Variants in PDE8B observed in about 807,000 individuals in gnomAD.
PDE8B encodes the protein phosphodiesterase 8B.
Under a neutral mutation model 101.3 loss-of-function variants are expected in PDE8B, and 26 were observed. The observed-to-expected ratio is 0.26, with a 90% CI of 0.19 to 0.36. The LOEUF (loss-of-function observed/expected upper bound fraction) is 0.36, where lower values mean the gene tolerates loss of function less well. PDE8B is among the 10% of genes least tolerant of loss of function. The pLI is 1.00. For missense variants in PDE8B, 810 were observed against 1,163.1 expected (o/e 0.70, Z 4.42); for synonymous variants, 424 against 429.3 (o/e 0.99, Z 0.15).
chr5:77,319,451 A>C (rs576263642), intron 2 of PDE8B, among the ~76,000 whole-genome samples: 1 of 152,322 alleles, frequency 6.6e-6, no homozygotes, highest in Non-Finnish European at 1.5e-5. Context: ...AACCCAAATG[A>C]CATTATGCAA....
chr5:77,378,456 T>TAA (rs58121927), intron 10 of PDE8B, among the ~76,000 whole-genome samples: 3 of 69,352 alleles, frequency 4.3e-5, no homozygotes, highest in South Asian at 8.3e-4. Flanking sequence ...AGACTCCATC[T>TAA]AAAAAAAAAA....
chr5:77,361,979 A>C (rs1783188521), intron 10 of PDE8B, among the ~76,000 whole-genome samples: 1 of 152,228 alleles, frequency 6.6e-6, no homozygotes, highest in African/African-American at 2.4e-5. Context: ...TACAACCAAG[A>C]GTGCCTTATA....
chr5:77,135,711 G>A, the PDE8B span, among the ~76,000 whole-genome samples: 5 of 151,898 alleles, frequency 3.3e-5, no homozygotes, highest in Non-Finnish European at 5.9e-5. Context: ...TCCTGACCTC[G>A]TGATCCACCC....
intron 1 of PDE8B, among the ~76,000 whole-genome samples, chr5:77,290,022 T>A (rs1277120664): frequency 6.6e-6 from 1 of 152,206 alleles, no homozygotes; most frequent in Non-Finnish European, 1.5e-5. Flanking sequence ...AATGAGAGAT[T>A]ATCATCATAA....
intron 11 of PDE8B, among the ~76,000 whole-genome samples, 174 bp downstream of exon 11, chr5:77,400,464 A>G (rs1483223659): frequency 4.6e-5 from 7 of 152,210 alleles, no homozygotes; most frequent in Non-Finnish European, 7.3e-5. Flanking sequence ...GAAATCCCTT[A>G]AAATGTCCTT....
chr5:77,325,829 A>C, intron 3 of PDE8B, 100 bp downstream of exon 3: 1 of 855,418 alleles, frequency 1.2e-6, no homozygotes, highest in Admixed American at 1.9e-5. Flanking sequence ...TATTTTTAAA[A>C]TATGCGTTGA....
the PDE8B span, among the ~76,000 whole-genome samples, chr5:77,157,097 G>A: frequency 1.3e-5 from 2 of 151,996 alleles, no homozygotes; most frequent in Non-Finnish European, 2.9e-5. Flanking sequence ...CCAGCCTCTG[G>A]GTGGTAACAG....
chr5:77,375,568 TG>T (rs1246410826), intron 10 of PDE8B, among the ~76,000 whole-genome samples: 1 of 152,174 alleles, frequency 6.6e-6, no homozygotes, highest in East Asian at 1.9e-4. Flanking sequence ...TGCTGCCACC[TG>T]TGCCCATCTC....
the PDE8B span, chr5:77,165,600 C>T: frequency 2.0e-5 from 3 of 151,674 alleles, no homozygotes; most frequent in Admixed American, 2.0e-4. Context: ...AACAGAAAAA[C>T]CTTCTCCCTA....
chr5:77,227,697 G>C (rs1014697694), intron 1 of PDE8B, among the ~76,000 whole-genome samples: 2 of 152,164 alleles, frequency 1.3e-5, no homozygotes, highest in African/African-American at 4.8e-5. Flanking sequence ...TTGGTTACCT[G>C]CCTCAGTTTA....
chr5:77,398,492 T>C (rs549881400), intron 10 of PDE8B, among the ~76,000 whole-genome samples: 2 of 152,118 alleles, frequency 1.3e-5, no homozygotes, highest in East Asian at 1.9e-4. Context: ...CCAGCTAATA[T>C]TATATTTTTA....
At chr5:77,108,639 C>T in the PDE8B span, among the ~76,000 whole-genome samples, 3 of 152,242 alleles carry the variant, frequency 2.0e-5, no homozygotes, top group Non-Finnish European at 2.9e-5. Context: ...GCCGAGATTG[C>T]GCCACTGCAT....
At chr5:77,177,926 G>A in the PDE8B span, among the ~76,000 whole-genome samples, 2 of 152,180 alleles carry the variant, frequency 1.3e-5, no homozygotes, top group Non-Finnish European at 2.9e-5. Flanking sequence ...TGTTGACTGT[G>A]GGTCACTGAA....
intron 5 of PDE8B, among the ~76,000 whole-genome samples, chr5:77,333,283 GT>G (rs1015484508): frequency 2.0e-4 from 31 of 152,292 alleles, no homozygotes; most frequent in South Asian, 1.4e-3. Flanking sequence ...ATGCTTCTGA[GT>G]TTTTGGAATG....
upstream of PDE8B, among the ~76,000 whole-genome samples, chr5:77,208,851 C>G (rs547429151): frequency 3.9e-5 from 6 of 152,152 alleles, no homozygotes; most frequent in African/African-American, 1.4e-4. Flanking sequence ...TAAAGGCCCA[C>G]CAGAACAACT....
At chr5:77,413,036 C>A in intron 16 of PDE8B, 75 bp from the exon 17 acceptor site, 1 of 1,195,970 alleles carries the variant, frequency 8.4e-7, no homozygotes, top group South Asian at 1.2e-5. Flanking sequence ...TGCTTCCATG[C>A]CCCACTATCA....
the PDE8B span, among the ~76,000 whole-genome samples, chr5:77,177,615 T>C: frequency 6.6e-6 from 1 of 152,252 alleles, no homozygotes; most frequent in Non-Finnish European, 1.5e-5. Flanking sequence ...CTTTGGTATA[T>C]AGAATGGCCA....
At chr5:77,302,752 C>T (rs979238221) in intron 1 of PDE8B, among the ~76,000 whole-genome samples, 3 of 152,204 alleles carry the variant, frequency 2.0e-5, no homozygotes, top group Non-Finnish European at 4.4e-5. Context: ...GCTTAAATCT[C>T]AGCTTCATCC....
intron 3 of PDE8B, among the ~76,000 whole-genome samples, chr5:77,325,993 C>G (rs1292555172): frequency 6.6e-6 from 1 of 152,066 alleles, no homozygotes; most frequent in Non-Finnish European, 1.5e-5. Flanking sequence ...TTCCCCCCAC[C>G]CTGTGTATTG....
Sources: allele counts gnomAD v4.1 joint callset (sites outside exome capture counted in the v4.1 genomes callset), GRCh38; gene constraint gnomAD v4.1.1; transcripts MANE v1.5; gene names NCBI Gene and HGNC (gene_info 2026-07-23, HGNC 2026-07-21).